KAZN: variants seen among roughly 807,000 people sequenced by gnomAD.
KAZN encodes kazrin, periplakin interacting protein, also known as kazrin.
Under a neutral mutation model 87.4 loss-of-function variants are expected in KAZN, and 40 were observed. That is an observed-to-expected ratio of 0.46 (90% CI 0.36 to 0.60). The LOEUF is 0.60. Ranked by LOEUF, KAZN falls within the 20% of genes least tolerant of loss-of-function variation. The pLI, the probability that KAZN is intolerant of heterozygous loss-of-function variation, is 0.00. For synonymous variants in KAZN, 466 were observed against 458.3 expected (o/e 1.02, Z -0.22); for missense variants, 898 against 1,073.9 (o/e 0.84, Z 2.29).
At chr1:15,086,533 T>C (rs1640266008) in intron 8 of KAZN, among the ~76,000 whole-genome samples, 2 of 152,206 alleles carry the variant, frequency 1.3e-5, no homozygotes, top group Non-Finnish European at 2.9e-5. Context: ...AACCATGTTC[T>C]TCAGGAATAA....
chr1:14,169,004 TAGC>T (rs1271393569), intron 1 of KAZN, among the ~76,000 whole-genome samples: 15 of 152,152 alleles, frequency 9.9e-5, no homozygotes, highest in Non-Finnish European at 1.5e-4. Flanking sequence ...CCTAAGTAAA[TAGC>T]AGAGTTCATC....
intron 1 of KAZN, among the ~76,000 whole-genome samples, chr1:14,913,140 T>G (rs1301631557): frequency 6.6e-6 from 1 of 152,170 alleles, no homozygotes. Context: ...CCTGGCACTG[T>G]GGGCACAGAG....
At chr1:14,314,877 TA>T (rs1406092812) in intron 2 of KAZN, among the ~76,000 whole-genome samples, 78 of 152,162 alleles carry the variant, frequency 5.1e-4, no homozygotes, top group Non-Finnish European at 1.3e-4. Flanking sequence ...CTACTTTGTG[TA>T]TCTATAAATT....
chr1:13,930,037 G>C (rs941980043), intron 1 of KAZN, among the ~76,000 whole-genome samples: 5 of 152,138 alleles, frequency 3.3e-5, no homozygotes, highest in African/African-American at 1.2e-4. Context: ...TCCCCCTACT[G>C]CTTCCTTATT....
chr1:14,895,889 G>T (rs147911113), intron 1 of KAZN, among the ~76,000 whole-genome samples: 82 of 152,286 alleles, frequency 5.4e-4, no homozygotes, highest in African/African-American at 1.9e-3. Context: ...GAGGAAGAGG[G>T]GAGGCTGCTT....
chr1:14,739,805 C>T (rs1206216058), intron 1 of KAZN, among the ~76,000 whole-genome samples: 8 of 151,470 alleles, frequency 5.3e-5, no homozygotes, highest in Non-Finnish European at 1.0e-4. Flanking sequence ...AAATGTTGAT[C>T]TGTCTGCCCA....
intron 1 of KAZN, among the ~76,000 whole-genome samples, chr1:13,903,084 T>A (rs1490193170): frequency 1.3e-5 from 2 of 152,170 alleles, no homozygotes; most frequent in South Asian, 2.1e-4. Context: ...ACACTGACAA[T>A]GTGATGTTTG....
At chr1:14,183,080 G>A (rs1344187330) in intron 2 of KAZN, among the ~76,000 whole-genome samples, 1 of 152,144 alleles carries the variant, frequency 6.6e-6, no homozygotes, top group Non-Finnish European at 1.5e-5. Context: ...CAGGCAAAAA[G>A]TGTTCCACAG....
At chr1:13,963,825 C>A (rs1354678214) in intron 1 of KAZN, among the ~76,000 whole-genome samples, 1 of 148,410 alleles carries the variant, frequency 6.7e-6, no homozygotes. Context: ...GATGACAGGG[C>A]AGTATACTGG....
rs1553181094 is a variant in KAZN, at chr1:13,981,089, T to TC, written c.91+87333_91+87334insC. Among the ~76,000 whole-genome samples, 4 of 63,136 alleles carry TC rather than the reference T, an allele frequency of 6.3e-5. No individual in the cohort carries two copies. In the East Asian group the frequency reaches 8.5e-4, roughly 13 times the overall value. 41.4% of individuals were successfully genotyped at this position (63,136 alleles called of 152,430 possible). On this transcript the variant is annotated intron_variant, in intron 1 of 16. Coordinates refer to the KAZN transcript ENST00000636203. ...TTGGAGAGGTATAAAAAATTACTCT[T>TC]TATATATATATATATATATATGTAT...
At chr1:14,696,916 G>T (rs1490199994) in intron 1 of KAZN, among the ~76,000 whole-genome samples, 1 of 152,186 alleles carries the variant, frequency 6.6e-6, no homozygotes, top group Non-Finnish European at 1.5e-5. Context: ...AGTAAATGCA[G>T]CTGCCAACAG....
At chr1:14,265,217 C>T (rs187573681) in intron 2 of KAZN, among the ~76,000 whole-genome samples, 1 of 152,314 alleles carries the variant, frequency 6.6e-6, no homozygotes, top group East Asian at 1.9e-4. Context: ...AGGTCTAACA[C>T]TATTGTGGCT....
intron 2 of KAZN, among the ~76,000 whole-genome samples, chr1:14,238,007 A>G (rs1334220153): frequency 1.3e-5 from 2 of 152,202 alleles, no homozygotes; most frequent in Non-Finnish European, 2.9e-5. Flanking sequence ...ATTTCTCTCT[A>G]GTAGCCTCCA....
Position 13,996,265 on chromosome 1 carries a change from G to A in KAZN, c.91+102509G>A, listed in dbSNP as rs754877584. ...ACTGGGGCCTAGAGTCCCAACCCCC[G>A]AGCCGCGCAGATTCTCAACAGCCTC... On this transcript the variant is annotated intron_variant, in intron 1 of 16. Coordinates refer to the KAZN transcript ENST00000636203. 2.6e-5 allele frequency among the ~76,000 whole-genome samples: 4 copies of A among 152,194 alleles called. 1 individual carries two copies. Among genetic ancestry groups the A allele is most frequent in the Non-Finnish European group, 5.9e-5 (4 of 68,008 alleles).
At position 14,255,743 on chromosome 1, in the gene KAZN, A is replaced by G. The variant is rs543522129; in HGVS notation, c.249+75151A>G. On this transcript the variant is annotated intron_variant, in intron 2 of 16. Transcript: ENST00000636203. ...CAAGTGTGACATCGTTTTATCTTCT[A>G]AAGAACCCAGTGACTGAGGTAGTAT... 2.6e-5 allele frequency among the ~76,000 whole-genome samples: 4 copies of G among 152,320 alleles called. No homozygotes were observed. In the South Asian group the frequency reaches 6.2e-4, roughly 24 times the overall value.
Position 15,094,911 on chromosome 1 carries a change from C to T in KAZN, c.1525C>T (p.Arg509Cys), listed in dbSNP as rs775095806. The T allele has an allele frequency of 2.6e-6, 4 of 1,550,196 alleles. No individual in the cohort carries two copies. The highest frequency in any genetic ancestry group is 2.6e-6 in the Non-Finnish European group (3 of 1,146,470). ...RKLRLAIEDY[R>C]DAEAGRSLSK... is the part of the protein sequence containing the mutation. ...GCTGCGCCTGGCCATCGAGGACTACCGTGATGCCGAGGCAGGCCGCAGGTG... is the reference window on the plus strand; with the variant it reads ...GCTGCGCCTGGCCATCGAGGACTACTGTGATGCCGAGGCAGGCCGCAGGTG... The change falls in exon 10 of 15, where the codon CGT (arginine) becomes TGT (cysteine). Residue 509 changes from arginine to cysteine, a missense_variant. Arg to Cys is a radical substitution (Grantham distance 180). This residue lies in a region of KAZN where 521 missense variants were observed against 689.4 expected (regional missense o/e 0.76). Transcript: ENST00000376030. This position sits in a 1 kb window ranked among gnomAD's most constrained non-coding sequence, Gnocchi z 4.5.
At chr1:13,955,902 T>C (rs1641526579) in intron 1 of KAZN, among the ~76,000 whole-genome samples, 2 of 152,158 alleles carry the variant, frequency 1.3e-5, no homozygotes, top group Non-Finnish European at 2.9e-5. Context: ...TCCAGAGGGT[T>C]ACAGCCTGCG....
intron 2 of KAZN, among the ~76,000 whole-genome samples, chr1:14,261,967 C>T (rs78686313): frequency 0.014 from 2,060 of 152,234 alleles, 30 homozygotes; most frequent in Middle Eastern, 0.024. Flanking sequence ...TGGCATACAT[C>T]ATGCTTTTAG....
In KAZN at chr1:14,960,723, T is replaced by A. The variant is rs548336789; in HGVS notation, c.266T>A (p.Val89Asp). 287 of 1,584,196 alleles carry A rather than the reference T, an allele frequency of 1.8e-4. No individual in the cohort carries two copies. The South Asian group carries it at 3.1e-3, about 17-fold the overall frequency. The change falls in exon 2 of 15, where the codon GTT (valine) becomes GAT (aspartate). Residue 89 changes from valine (V) to aspartate (D), a missense_variant. By Grantham distance (152) the Val-to-Asp change is radical (BLOSUM62 -3). This residue lies in a region of KAZN where 250 missense variants were observed against 263.0 expected (regional missense o/e 0.95). Transcript: ENST00000376030. Reference sequence around the variant, plus strand: ...GAAGTGTCGCGGCTCCAGGAGGAAGTTCACCTTCTCCGGCAGATGAAGGAG... The same window carrying A: ...GAAGTGTCGCGGCTCCAGGAGGAAGATCACCTTCTCCGGCAGATGAAGGAG... ...REEVSRLQEE[V>D]HLLRQMKEML...
Sources: gnomAD v4.1 joint callset for allele counts (sites outside exome capture counted in the v4.1 genomes callset) on GRCh38, gnomAD v4.1.1 for gene constraint, gnomAD v4.1.1 regional missense constraint, Gnocchi (gnomAD v3.1) non-coding constraint, MANE v1.5 for transcripts, NCBI Gene and HGNC (gene_info 2026-07-23, HGNC 2026-07-21) for gene names.